The following TSHZ2 variants were observed in gnomAD, a reference collection of about 807,000 sequenced individuals.
TSHZ2 encodes teashirt zinc finger homeobox 2, also known as teashirt homolog 2.
A neutral mutation model predicts 74.4 loss-of-function variants in TSHZ2; 21 were observed. The ratio of observed to expected loss-of-function variants is 0.28; its 90% confidence interval spans 0.20 to 0.41. The LOEUF is 0.41. Ranked by LOEUF, TSHZ2 falls within the 10% of genes least tolerant of loss-of-function variation. The probability of loss-of-function intolerance (pLI) is 1.00; values close to 1 mark genes in which losing one functional copy is unlikely to be tolerated. For synonymous variants in TSHZ2, 540 were observed against 515.3 expected, an observed-to-expected ratio of 1.05 and a Z score of -0.65; for missense variants, 1,244 against 1,293.5, an observed-to-expected ratio of 0.96 and a Z score of 0.59.
chr20:53,338,009 G>A (rs1469296928), intron 2 of TSHZ2, among the ~76,000 whole-genome samples: 1 of 152,160 alleles, frequency 6.6e-6, no homozygotes. Flanking sequence ...CATGAGACGT[G>A]TTCATGAGGA....
intron 1 of TSHZ2, among the ~76,000 whole-genome samples, chr20:53,172,479 A>G (rs1434541314): frequency 1.3e-5 from 2 of 152,214 alleles, no homozygotes; most frequent in Non-Finnish European, 2.9e-5. Flanking sequence ...TTAACAGTTT[A>G]AGCTGCTCTG....
intron 2 of TSHZ2, among the ~76,000 whole-genome samples, chr20:53,272,080 C>A (rs562489845): frequency 1.3e-5 from 2 of 151,492 alleles, no homozygotes; most frequent in African/African-American, 4.9e-5. Flanking sequence ...GGTGCGATTT[C>A]GGCTCACTGC....
intron 1 of TSHZ2, among the ~76,000 whole-genome samples, chr20:53,070,865 CACTG>C (rs1985151183): frequency 6.6e-6 from 1 of 152,200 alleles, no homozygotes; most frequent in Non-Finnish European, 1.5e-5. Flanking sequence ...TTCTTCAAGT[CACTG>C]ACTGGAAGAA....
chr20:53,088,822 G>A (rs535926819), intron 1 of TSHZ2, among the ~76,000 whole-genome samples: 80 of 152,260 alleles, frequency 5.3e-4, no homozygotes, highest in South Asian at 6.2e-4. Context: ...GTACCACACA[G>A]CAATGCAGAG....
rs140607359 is a variant in TSHZ2, at chr20:53,322,031, T to G, written c.*8+65460T>G. ...GCAGCAGGGATGTCATGGAGAAAGCTTGGACTTTGGGCCGGTGGATCTCAG... is the reference window on the plus strand; with the variant it reads ...GCAGCAGGGATGTCATGGAGAAAGCGTGGACTTTGGGCCGGTGGATCTCAG... On this transcript the variant is annotated intron_variant, in intron 2 of 2. Coordinates refer to ENST00000371497, the MANE Select transcript of TSHZ2 (RefSeq NM_173485.6). Among the ~76,000 whole-genome samples, 64 of 152,298 alleles carry G rather than the reference T, an allele frequency of 4.2e-4. No homozygotes were observed. The East Asian group carries it at 5.8e-3, about 14-fold the overall frequency.
At chr20:53,259,229 T>C (rs1990549878) in intron 2 of TSHZ2, among the ~76,000 whole-genome samples, 1 of 152,256 alleles carries the variant, frequency 6.6e-6, no homozygotes, top group Non-Finnish European at 1.5e-5. Context: ...TTTTAGAAAG[T>C]ATGATCAAGA....
intron 1 of TSHZ2, among the ~76,000 whole-genome samples, chr20:53,113,610 C>T (rs1986592334): frequency 6.6e-6 from 1 of 152,164 alleles, no homozygotes; most frequent in East Asian, 1.9e-4. Context: ...AGAGAGGTTT[C>T]AGAATATCTA....
intron 2 of TSHZ2, among the ~76,000 whole-genome samples, chr20:53,282,496 A>T (rs754755111): frequency 5.9e-5 from 9 of 152,204 alleles, no homozygotes; most frequent in Non-Finnish European, 1.0e-4. Flanking sequence ...AAGTAGCGAT[A>T]TTACCCCCAT....
rs745413322 is a variant in TSHZ2, at chr20:53,468,817, A to G, written c.*9-18327A>G. Among the ~76,000 whole-genome samples, 111 of 151,048 alleles carry G rather than the reference A, an allele frequency of 7.3e-4. 1 individual carries two copies. Among genetic ancestry groups the G allele is most frequent in the Middle Eastern group, 6.8e-3 (2 of 292 alleles). On this transcript the variant is annotated intron_variant, in intron 2 of 2. Transcript: ENST00000371497. Reference sequence around the variant, plus strand: ...GACACATATTACAAATTGTACTTTAAAAGAGGAAGTTCAGAAGTTGGGATT... The same window carrying G: ...GACACATATTACAAATTGTACTTTAGAAGAGGAAGTTCAGAAGTTGGGATT...
chr20:53,483,510 C>T (rs1986214530), intron 2 of TSHZ2, among the ~76,000 whole-genome samples: 1 of 152,016 alleles, frequency 6.6e-6, no homozygotes. Flanking sequence ...AACCCTGTCC[C>T]CCACCTCCCC....
intron 1 of TSHZ2, among the ~76,000 whole-genome samples, chr20:53,170,302 T>C (rs1163107773): frequency 1.3e-5 from 2 of 152,244 alleles, no homozygotes; most frequent in African/African-American, 4.8e-5. Flanking sequence ...TAAGAAGCCG[T>C]AGACTGCAGC....
intron 2 of TSHZ2, among the ~76,000 whole-genome samples, chr20:53,458,168 G>A (rs1324250593): frequency 2.0e-5 from 3 of 149,398 alleles, no homozygotes; most frequent in Non-Finnish European, 4.4e-5. Context: ...GGTAGAATTC[G>A]GCTGTGAATC....
chr20:53,286,081 C>T (rs778157836), intron 2 of TSHZ2, among the ~76,000 whole-genome samples: 7 of 152,086 alleles, frequency 4.6e-5, no homozygotes, highest in South Asian at 2.1e-4. Context: ...ATTTACTTCT[C>T]GAGCTCAGTG....
chr20:53,110,612 G>A (rs1006660050), intron 1 of TSHZ2, among the ~76,000 whole-genome samples: 10 of 152,132 alleles, frequency 6.6e-5, no homozygotes, highest in South Asian at 2.1e-4. Context: ...GCAGGCCAAC[G>A]TCTGTTGGAG....
At chr20:53,369,069 C>A (rs1289881581) in intron 2 of TSHZ2, among the ~76,000 whole-genome samples, 1 of 152,068 alleles carries the variant, frequency 6.6e-6, no homozygotes, top group Non-Finnish European at 1.5e-5. Context: ...CAAGACCAGC[C>A]TGGGCAACAT....
Position 53,473,077 on chromosome 20 carries a change from G to C in TSHZ2, c.*9-14067G>C, listed in dbSNP as rs1212740539. Among the ~76,000 whole-genome samples the C allele has an allele frequency of 4.8e-4, 72 of 149,268 alleles. 1 individual carries two copies. In the South Asian group the frequency reaches 0.011, roughly 24 times the overall value. On this transcript the variant is annotated intron_variant, in intron 2 of 2. Transcript: ENST00000371497. ...AACTGCAAGATGGCAGTGAGGCTGG[G>C]GGAGGGGCGCCCGCCATTGCCCAGG...
intron 1 of TSHZ2, among the ~76,000 whole-genome samples, chr20:52,977,832 G>A (rs892744434): frequency 6.6e-6 from 1 of 152,162 alleles, no homozygotes; most frequent in Non-Finnish European, 1.5e-5. Context: ...AGGGAGCAGG[G>A]GCTCCGGGAA....
intron 2 of TSHZ2, among the ~76,000 whole-genome samples, chr20:53,424,433 G>A (rs80307462): frequency 0.035 from 5,350 of 152,240 alleles, 287 homozygotes; most frequent in African/African-American, 0.11. Context: ...ACCATTATTT[G>A]CATGTGTTTT....
At chr20:53,056,217 CCTT>C (rs1769200512) in intron 1 of TSHZ2, among the ~76,000 whole-genome samples, 1 of 152,094 alleles carries the variant, frequency 6.6e-6, no homozygotes, top group African/African-American at 2.4e-5. Context: ...CTCCTAAAGT[CCTT>C]CTGTGCAGGT....
Sources: allele counts gnomAD v4.1 joint callset (sites outside exome capture counted in the v4.1 genomes callset), GRCh38; gene constraint gnomAD v4.1.1; transcripts MANE v1.5; gene names NCBI Gene and HGNC (gene_info 2026-07-23, HGNC 2026-07-21).